Variants in TLE4 observed in about 807,000 individuals in gnomAD.
TLE4 encodes the protein transducin-like enhancer protein 4.
Under a neutral mutation model 92.8 loss-of-function variants are expected in TLE4, and 8 were observed. The observed-to-expected ratio is 0.09, with a 90% CI of 0.05 to 0.16. The LOEUF is 0.16. TLE4 is among the 10% of genes least tolerant of loss of function. TLE4 has a pLI of 1.00. For synonymous variants in TLE4, 371 were observed against 374.1 expected, an observed-to-expected ratio of 0.99 and a Z score of 0.10; for missense variants, 675 against 997.6, an observed-to-expected ratio of 0.68 and a Z score of 4.36.
chr9:79,690,807 T>TG (rs1392027657), intron 8 of TLE4, among the ~76,000 whole-genome samples: 2 of 111,446 alleles, frequency 1.8e-5, no homozygotes, highest in African/African-American at 6.1e-5. Flanking sequence ...TTTTTTTTTT[T>TG]GTATTTTCTG....
At chr9:79,686,083 A>G (rs1013006119) in intron 8 of TLE4, among the ~76,000 whole-genome samples, 20 of 152,352 alleles carry the variant, frequency 1.3e-4, no homozygotes, top group South Asian at 6.2e-4. Flanking sequence ...ATAAATAGGC[A>G]TTATAAACTA....
Position 79,676,715 on chromosome 9 carries a change from C to T in TLE4, c.609+22640C>T, listed in dbSNP as rs548330207. Among the ~76,000 whole-genome samples, 22 of 152,262 alleles carry T rather than the reference C, an allele frequency of 1.4e-4. No individual in the cohort carries two copies. In the South Asian group the frequency reaches 4.6e-3, roughly 32 times the overall value. The stretch of plus-strand genomic sequence containing the variant: ...TCTAGCCTTATCTATGACGTCTGTT[C>T]TCTCTGAGCCTCAGTTTCCTCTACT... On this transcript the variant is annotated intron_variant, in intron 8 of 19. Coordinates refer to ENST00000376552, the MANE Select transcript of TLE4 (RefSeq NM_007005.6).
At chr9:79,713,205 C>G (rs1322501906) in intron 14 of TLE4, among the ~76,000 whole-genome samples, 1 of 152,166 alleles carries the variant, frequency 6.6e-6, no homozygotes, top group East Asian at 1.9e-4. Flanking sequence ...AGAACTGGGC[C>G]TCAGAGAGGA....
intron 8 of TLE4, among the ~76,000 whole-genome samples, chr9:79,684,295 G>A (rs1033623728): frequency 5.9e-5 from 9 of 152,082 alleles, no homozygotes; most frequent in Non-Finnish European, 1.2e-4. Context: ...CTAGAACAGG[G>A]ATCCCCAAAC....
chr9:79,622,890 G>A (rs2133380720), intron 5 of TLE4, among the ~76,000 whole-genome samples: 1 of 152,232 alleles, frequency 6.6e-6, no homozygotes, highest in East Asian at 1.9e-4. Context: ...GAGAAGCAGG[G>A]CCATTGGTCT....
At chr9:79,587,658 C>T (rs2041469746) in intron 4 of TLE4, among the ~76,000 whole-genome samples, 1 of 152,114 alleles carries the variant, frequency 6.6e-6, no homozygotes, top group African/African-American at 2.4e-5. Flanking sequence ...GTGTGGACAG[C>T]TAAAACAATC....
intron 14 of TLE4, among the ~76,000 whole-genome samples, chr9:79,717,476 T>C (rs1197526861): frequency 2.0e-5 from 3 of 152,126 alleles, no homozygotes; most frequent in Non-Finnish European, 4.4e-5. Flanking sequence ...TCTACAACGC[T>C]CTGTAGTCTG....
chr9:79,680,206 G>A (rs2064218450), intron 8 of TLE4, among the ~76,000 whole-genome samples: 1 of 151,090 alleles, frequency 6.6e-6, no homozygotes, highest in South Asian at 2.1e-4. Flanking sequence ...ATTACCTTGG[G>A]CAGTATGGCC....
chr9:79,572,496 G>A lies in TLE4; in HGVS notation c.-295G>A, dbSNP rs1411301721. ...GGCCGCGGCGCCGGGCTCGGCGGGT[G>A]CGCCTCGGCGGAGCGAACGTCGGAG... On this transcript the variant is annotated 5_prime_UTR_variant, in exon 1 of 20. Coordinates refer to ENST00000376552, the MANE Select transcript of TLE4 (RefSeq NM_007005.6). The A allele has an allele frequency of 1.3e-5, 2 of 154,454 alleles. No individual in the cohort carries two copies. The highest frequency in any genetic ancestry group is 4.8e-5 in the African/African-American group (2 of 41,332). The allele number at this position is 154,454 out of a possible 1,614,324, so 9.6% of individuals were successfully genotyped here.
rs2072198107 is a variant in TLE4 at position 79,708,109 on chromosome 9, T to C, written c.937-9T>C. On this transcript the variant is annotated splice_polypyrimidine_tract_variant and intron_variant, in intron 11 of 19. Coordinates refer to ENST00000376552, the MANE Select transcript of TLE4 (RefSeq NM_007005.6). ...CTAATTGCTGGTATATGTCATTTCATCTTGTTAGAATGAAAAATCTACTAC... is the reference window on the plus strand; with the variant it reads ...CTAATTGCTGGTATATGTCATTTCACCTTGTTAGAATGAAAAATCTACTAC... The C allele has an allele frequency of 1.2e-6, 2 of 1,613,610 alleles. No homozygotes were observed. Among genetic ancestry groups the C allele is most frequent in the Non-Finnish European group, 1.7e-6 (2 of 1,179,718 alleles).
chr9:79,637,515 A>G (rs551466010), intron 6 of TLE4, among the ~76,000 whole-genome samples: 84 of 152,250 alleles, frequency 5.5e-4, no homozygotes, highest in African/African-American at 1.7e-3. Context: ...TAATCTCTTT[A>G]TCTTGAGATC....
chr9:79,620,652 A>G (rs762377264), intron 5 of TLE4, among the ~76,000 whole-genome samples: 7 of 152,162 alleles, frequency 4.6e-5, no homozygotes, highest in African/African-American at 7.2e-5. Flanking sequence ...ACGTGTATGT[A>G]TGTGTCTAAG....
At chr9:79,719,179 A>G (rs76845375) in intron 15 of TLE4, among the ~76,000 whole-genome samples, 1,578 of 152,166 alleles carry the variant, frequency 0.01, 27 homozygotes, top group African/African-American at 0.035. Context: ...CATGTGCACC[A>G]TACTGATTTC....
Position 79,598,047 on chromosome 9 carries a change from A to G in TLE4, c.253-14609A>G, listed in dbSNP as rs1488897092. 2.8e-5 allele frequency among the ~76,000 whole-genome samples: 4 copies of G among 144,202 alleles called. No individual in the cohort carries two copies. The East Asian group carries it at 8.5e-4, about 31-fold the overall frequency. 94.6% of individuals were successfully genotyped at this position (144,202 alleles called of 152,430 possible). On this transcript the variant is annotated intron_variant, in intron 4 of 19. Transcript: ENST00000376552. Reference sequence around the variant, plus strand: ...GGAGATCGAGACTATCCTGGCTAACACGGTGAAACCCTGTCTCTACTGAAA... The same window carrying G: ...GGAGATCGAGACTATCCTGGCTAACGCGGTGAAACCCTGTCTCTACTGAAA...
intron 6 of TLE4, among the ~76,000 whole-genome samples, chr9:79,635,455 C>A (rs1220589871): frequency 6.6e-6 from 1 of 150,876 alleles, no homozygotes; most frequent in East Asian, 2.0e-4. Flanking sequence ...TGTAAGTAAT[C>A]TTTGCCTAAC....
Position 79,679,878 on chromosome 9 carries a change from T to C in TLE4, c.610-24905T>C, listed in dbSNP as rs1036228216. 6.8e-4 allele frequency among the ~76,000 whole-genome samples: 103 copies of C among 152,258 alleles called. 1 individual carries two copies. The highest frequency in any genetic ancestry group is 2.4e-3 in the African/African-American group (98 of 41,526). On this transcript the variant is annotated intron_variant, in intron 8 of 19. Coordinates refer to ENST00000376552, the MANE Select transcript of TLE4 (RefSeq NM_007005.6). ...GCACCATTTATTAAATAGGGAATCCTTTCCCCATTGCTTGTTTTTCTCAGG... is the reference window on the plus strand; with the variant it reads ...GCACCATTTATTAAATAGGGAATCCCTTCCCCATTGCTTGTTTTTCTCAGG...
intron 6 of TLE4, among the ~76,000 whole-genome samples, chr9:79,651,034 T>G (rs1241596792): frequency 4.2e-5 from 1 of 23,982 alleles, no homozygotes; most frequent in Non-Finnish European, 1.2e-4. Flanking sequence ...ATGATCGATC[T>G]CTCTCTCTCT....
chr9:79,669,203 G>C (rs983358913), intron 8 of TLE4, among the ~76,000 whole-genome samples: 1 of 152,130 alleles, frequency 6.6e-6, no homozygotes, highest in Admixed American at 6.5e-5. Flanking sequence ...GTGCACACAT[G>C]GTCAGTGGAG....
chr9:79,617,666 A>C (rs1336097431), intron 5 of TLE4, among the ~76,000 whole-genome samples: 1 of 152,116 alleles, frequency 6.6e-6, no homozygotes, highest in Non-Finnish European at 1.5e-5. Flanking sequence ...TGCTTTCTTT[A>C]AAATGTGGAG....
Sources: allele counts gnomAD v4.1 joint callset (sites outside exome capture counted in the v4.1 genomes callset), GRCh38; gene constraint gnomAD v4.1.1; transcripts MANE v1.5; gene names NCBI Gene and HGNC (gene_info 2026-07-23, HGNC 2026-07-21).